Variants in VAMP7 observed in about 807,000 individuals in gnomAD.
VAMP7 encodes the protein vesicle-associated membrane protein 7.
VAMP7 carries 14 observed loss-of-function variants against 29.6 expected under a neutral mutation model. The ratio of observed to expected loss-of-function variants is 0.47; its 90% CI spans 0.31 to 0.74. The LOEUF (loss-of-function observed/expected upper bound fraction) is 0.74. Ranked by LOEUF, VAMP7 falls within the 30% of genes least tolerant of loss-of-function variation. The pLI is 0.05. For synonymous variants in VAMP7, 95 were observed against 88.1 expected, an observed-to-expected ratio of 1.08 and a Z score of -0.44; for missense variants, 223 against 262.4, an observed-to-expected ratio of 0.85 and a Z score of 1.04.
chrX:155,931,968 C>T (rs1184509687), intron 6 of VAMP7, among the ~76,000 whole-genome samples: 2 of 152,122 alleles, frequency 1.3e-5, no homozygotes, highest in Middle Eastern at 3.2e-3. Context: ...ATAGGGAATC[C>T]TTTCCCCATT....
At chrX:155,920,812 T>C (rs1189937432) in intron 6 of VAMP7, among the ~76,000 whole-genome samples, 2 of 152,204 alleles carry the variant, frequency 1.3e-5, no homozygotes, top group African/African-American at 2.4e-5. Context: ...TAAGAGCTAT[T>C]TAAATGTTCA....
At chrX:155,933,402 A>G (rs1047311153) in intron 6 of VAMP7, among the ~76,000 whole-genome samples, 3 of 152,056 alleles carry the variant, frequency 2.0e-5, no homozygotes, top group African/African-American at 7.2e-5. Flanking sequence ...GTCTATTCAG[A>G]GATTCAACTT....
chrX:155,882,207 T>C (rs2065810648), intron 1 of VAMP7, among the ~76,000 whole-genome samples: 1 of 152,136 alleles, frequency 6.6e-6, no homozygotes, highest in Non-Finnish European at 1.5e-5. Flanking sequence ...ATTCATACAT[T>C]TAACAAATAT....
In VAMP7 at chrX:155,898,178, G is replaced by T; in HGVS notation, c.271G>T (p.Gly91Cys). The change falls in exon 4 of 8, where the codon GGT (glycine) becomes TGT (cysteine). Residue 91 changes from glycine (G) to cysteine (C), a missense_variant. By Grantham distance (159) the Gly-to-Cys change is radical (BLOSUM62 -3). Transcript: ENST00000286448. ...EIKKRFQTTY[G>C]SRAQTALPYA... ...AAAGAAGAGGTTCCAGACTACTTAC[G>T]GTTCAAGAGCACAGACAGCACTTCC... The T allele has an allele frequency of 1.9e-6, 3 of 1,613,570 alleles. No homozygotes were observed. Among genetic ancestry groups the T allele is most frequent in the Non-Finnish European group, 2.5e-6 (3 of 1,179,656 alleles).
intron 2 of VAMP7, among the ~76,000 whole-genome samples, chrX:155,893,617 C>T (rs1170281122): frequency 2.0e-5 from 3 of 152,138 alleles, no homozygotes; most frequent in African/African-American, 7.2e-5. Context: ...GGCCTTCTTC[C>T]TGGCTGGCAG....
chrX:155,900,216 C>A (rs1263634816), intron 4 of VAMP7, among the ~76,000 whole-genome samples: 1 of 151,912 alleles, frequency 6.6e-6, no homozygotes, highest in African/African-American at 2.4e-5. Context: ...CTCTGCCCCA[C>A]AAGTCACATG....
chrX:155,911,791 TA>T (rs2066241307), intron 5 of VAMP7, among the ~76,000 whole-genome samples: 1 of 152,210 alleles, frequency 6.6e-6, no homozygotes, highest in African/African-American at 2.4e-5. Flanking sequence ...ACATTACAGA[TA>T]TTTGTATGTT....
intron 6 of VAMP7, among the ~76,000 whole-genome samples, chrX:155,922,004 T>G (rs2066403050): frequency 6.6e-6 from 1 of 152,054 alleles, no homozygotes; most frequent in African/African-American, 2.4e-5. Flanking sequence ...TTTTTTAGTT[T>G]TTGGTGTACA....
chrX:155,931,203 T>G (rs1404387302), intron 6 of VAMP7, among the ~76,000 whole-genome samples: 1 of 152,184 alleles, frequency 6.6e-6, no homozygotes, highest in African/African-American at 2.4e-5. Flanking sequence ...CAGCATGATT[T>G]ATAATCCTTT....
At chrX:155,934,929 G>A (rs2066624737) in intron 6 of VAMP7, among the ~76,000 whole-genome samples, 1 of 152,100 alleles carries the variant, frequency 6.6e-6, no homozygotes, top group African/African-American at 2.4e-5. Flanking sequence ...TTGCTTGTCT[G>A]TAAAGGATTT....
chrX:155,918,007 A>G (rs2066337525), intron 5 of VAMP7, among the ~76,000 whole-genome samples: 2 of 152,124 alleles, frequency 1.3e-5, no homozygotes, highest in Non-Finnish European at 2.9e-5. Flanking sequence ...TGCGCTGCCC[A>G]GAGAGGAGGA....
At chrX:155,913,308 C>A (rs1046111551) in intron 5 of VAMP7, among the ~76,000 whole-genome samples, 3 of 151,758 alleles carry the variant, frequency 2.0e-5, no homozygotes, top group African/African-American at 7.3e-5. Flanking sequence ...AAAATTTTTT[C>A]CCATTCTGTA....
chrX:155,893,525 CTGAG>C (rs1372335723), intron 2 of VAMP7, among the ~76,000 whole-genome samples: 1 of 152,178 alleles, frequency 6.6e-6, no homozygotes, highest in Non-Finnish European at 1.5e-5. Flanking sequence ...ATACCATAGA[CTGAG>C]TGGCTTGAAC....
intron 6 of VAMP7, among the ~76,000 whole-genome samples, chrX:155,937,918 A>T (rs2066686244): frequency 6.6e-6 from 1 of 152,122 alleles, no homozygotes; most frequent in Non-Finnish European, 1.5e-5. Context: ...CAACCTAGAC[A>T]TTTTGCTGTT....
chrX:155,909,991 A>T (rs983912272), intron 5 of VAMP7, among the ~76,000 whole-genome samples: 1 of 151,816 alleles, frequency 6.6e-6, no homozygotes, highest in African/African-American at 2.4e-5. Context: ...TATATAATAC[A>T]CTATTGTTAA....
chrX:155,883,101 C>A (rs992199889), intron 1 of VAMP7, among the ~76,000 whole-genome samples: 22 of 152,196 alleles, frequency 1.4e-4, no homozygotes, highest in Non-Finnish European at 2.2e-4. Flanking sequence ...GGAGTCCCTT[C>A]TTCCTTAACT....
At chrX:155,939,304 GT>G (rs2066708961) in intron 6 of VAMP7, among the ~76,000 whole-genome samples, 1 of 152,160 alleles carries the variant, frequency 6.6e-6, no homozygotes, top group South Asian at 2.1e-4. Flanking sequence ...AATCAAACAG[GT>G]TTTTATGGCT....
intron 5 of VAMP7, among the ~76,000 whole-genome samples, chrX:155,905,016 A>T (rs1466032019): frequency 6.6e-6 from 1 of 151,552 alleles, no homozygotes; most frequent in African/African-American, 2.4e-5. Flanking sequence ...AACTTTCCTA[A>T]AGTGACTGCA....
In VAMP7 at chrX:155,917,447, A is replaced by G. The variant is rs776011940; in HGVS notation, c.434-2366A>G. Among the ~76,000 whole-genome samples the G allele has an allele frequency of 7.9e-5, 12 of 152,228 alleles. No individual in the cohort carries two copies. In the South Asian group the frequency reaches 2.5e-3, roughly 32 times the overall value. ...GGTTTTTCCTCATCTTCATGGATTT[A>G]TCTACCTTTGGTCTTTGATGTTGGT... is the stretch of plus-strand genomic sequence containing the variant. On this transcript the variant is annotated intron_variant, in intron 5 of 7. Coordinates refer to ENST00000286448, the MANE Select transcript of VAMP7 (RefSeq NM_005638.6).
Sources: gnomAD v4.1 joint callset for allele counts (sites outside exome capture counted in the v4.1 genomes callset) on GRCh38, gnomAD v4.1.1 for gene constraint, MANE v1.5 for transcripts, NCBI Gene and HGNC (gene_info 2026-07-23, HGNC 2026-07-21) for gene names.